The following CCZ1 variants were observed in gnomAD, a reference collection of about 807,000 sequenced individuals.
The protein encoded by CCZ1 is CCZ1 vacuolar protein trafficking and biogenesis associated, also known as vacuolar fusion protein CCZ1 homolog.
Under a neutral mutation model 57.8 loss-of-function variants are expected in CCZ1, and 19 were observed. The observed-to-expected ratio is 0.33, with a 90% CI of 0.23 to 0.48. The LOEUF (loss-of-function observed/expected upper bound fraction) is 0.48. Among genes scored for constraint, CCZ1 ranks in the 20% least tolerant of loss-of-function variants. The pLI, the probability that CCZ1 is intolerant of heterozygous loss-of-function variation, is 0.99. For missense variants in CCZ1, 200 were observed against 492.0 expected (o/e 0.41, Z 5.61); for synonymous variants, 81 against 167.0 (o/e 0.49, Z 3.97).
At chr7:5,920,868 T>G (rs1413925788) in intron 12 of CCZ1, among the ~76,000 whole-genome samples, 1 of 119,742 alleles carries the variant, frequency 8.4e-6, no homozygotes, top group Non-Finnish European at 1.8e-5. Context: ...TTAAATGGGC[T>G]CTCTACACAT....
At chr7:5,906,975 C>T (rs1297568764) in intron 7 of CCZ1, among the ~76,000 whole-genome samples, 1 of 147,274 alleles carries the variant, frequency 6.8e-6, no homozygotes, top group Non-Finnish European at 1.5e-5. Context: ...TCAAGCAATT[C>T]TCCTGCCTCA....
In CCZ1 at chr7:5,900,574, C is replaced by T; in HGVS notation, c.312+8C>T. The T allele has an allele frequency of 1.2e-6, 2 of 1,600,270 alleles. No individual in the cohort carries two copies. The highest frequency in any genetic ancestry group is 1.7e-6 in the Non-Finnish European group (2 of 1,177,436). On this transcript the variant is annotated splice_region_variant and intron_variant, in intron 3 of 14. Transcript: ENST00000325974. ...AATTTCTGGATGGTCATGGTATTTA[C>T]ATACACAGTGTATCTTTCTGAAATT...
At chr7:5,902,014 C>G (rs4724752) in intron 5 of CCZ1, 41,404 of 317,266 alleles carry the variant, frequency 0.13, 2,398 homozygotes, top group Non-Finnish European at 0.16. Context: ...TTCAGTGAGG[C>G]AGGGCACAGT....
chr7:5,898,786 G>A lies in CCZ1; in HGVS notation c.-14G>A. The A allele has an allele frequency of 2.6e-6, 1 of 385,280 alleles. No individual in the cohort carries two copies. The highest frequency in any genetic ancestry group is 4.4e-6 in the Non-Finnish European group (1 of 228,728). 23.9% of individuals were successfully genotyped at this position (385,280 alleles called of 1,614,324 possible). ...CGGGCCGTGGGAGGCTCCCGAGGTG[G>A]GGGCCGGGGCGGGATGGCTGCAGCG... On this transcript the variant is annotated 5_prime_UTR_variant, in exon 1 of 15. Transcript: ENST00000325974.
chr7:5,900,188 T>A, intron 1 of CCZ1, 96 bp from the exon 2 acceptor site: 2 of 1,404,208 alleles, frequency 1.4e-6, no homozygotes, highest in Non-Finnish European at 1.9e-6. Flanking sequence ...GTCATTAGCA[T>A]GTGTGACACA....
intron 11 of CCZ1, chr7:5,919,607 G>GT (rs1188875710): frequency 8.1e-6 from 4 of 496,724 alleles, no homozygotes; most frequent in Non-Finnish European, 1.5e-5. Context: ...GTAGGCAACC[G>GT]TTTACCACCC....
chr7:5,906,625 G>C (rs889974626), intron 7 of CCZ1, among the ~76,000 whole-genome samples: 2 of 148,554 alleles, frequency 1.3e-5, no homozygotes, highest in African/African-American at 5.0e-5. Flanking sequence ...ACCTGGCCTA[G>C]CCCAGTTTCT....
chr7:5,918,836 TCA>T, intron 10 of CCZ1, 29 bp from the exon 11 acceptor site: 1 of 804,638 alleles, frequency 1.2e-6, no homozygotes, highest in Non-Finnish European at 2.0e-6. Flanking sequence ...TTCCACCATT[TCA>T]TAACCTCTGG....
rs968196445 is a variant in CCZ1, at chr7:5,907,022, A to G, written c.698+1753A>G. On this transcript the variant is annotated intron_variant, in intron 7 of 14. Coordinates refer to ENST00000325974, the MANE Select transcript of CCZ1 (RefSeq NM_015622.6). ...AGCTGGGATTACAGGTGCATACCACAACACCCAGCTAATTTTTTTGTAGAG... is the reference window on the plus strand; with the variant it reads ...AGCTGGGATTACAGGTGCATACCACGACACCCAGCTAATTTTTTTGTAGAG... 9.4e-5 allele frequency among the ~76,000 whole-genome samples: 14 copies of G among 148,458 alleles called. 1 individual carries two copies. The highest frequency in any genetic ancestry group is 2.0e-4 in the African/African-American group (8 of 40,038).
In CCZ1 at chr7:5,914,362, A is replaced by C. The variant is rs2128613469; in HGVS notation, c.954+1408A>C. On this transcript the variant is annotated intron_variant, in intron 10 of 14. Transcript: ENST00000325974. ...GAGGCAGGAGAACCGCTTGAGCCCA[A>C]GAGTTGGAGGCTGCAATGAGCTATG... 1.3e-5 allele frequency among the ~76,000 whole-genome samples: 2 copies of C among 148,566 alleles called. 1 individual carries two copies. Among genetic ancestry groups the C allele is most frequent in the Admixed American group, 1.3e-4 (2 of 15,070 alleles).
At chr7:5,900,161 GGTTTTT>G (rs2128609989) in intron 1 of CCZ1, 117 bp from the exon 2 acceptor site, 1 of 1,317,542 alleles carries the variant, frequency 7.6e-7, no homozygotes. Flanking sequence ...TTCTAAAACC[GGTTTTT>G]GTTTTGTTTT....
In CCZ1 at chr7:5,910,048, C is replaced by G; in HGVS notation, c.712C>G (p.Gln238Glu). The change falls in exon 8 of 15, where the codon CAA (glutamine) becomes GAA (glutamate). Residue 238 changes from glutamine (Q) to glutamate (E), a missense_variant. Gln to Glu is a conservative substitution (Grantham distance 29). Transcript: ENST00000325974. ...CTGTTGTTGCAGGAGTGGATTAGAA[C>G]AAGATGACATGAGAATTTTATACAA... ...NDQLIWSGLE[Q>E]DDMRILYKYL... 6.3e-6 allele frequency: 10 copies of G among 1,599,736 alleles called. No individual in the cohort carries two copies. Among genetic ancestry groups the G allele is most frequent in the Non-Finnish European group, 8.5e-6 (10 of 1,170,002 alleles).
At chr7:5,910,547 C>G (rs59259289) in intron 8 of CCZ1, among the ~76,000 whole-genome samples, 16 of 145,476 alleles carry the variant, frequency 1.1e-4, no homozygotes, top group African/African-American at 4.0e-4. Flanking sequence ...AGGCTGGTCT[C>G]GAACTCCTGA....
At chr7:5,905,775 T>TTTTTTTTTTTTTTTTTTTTTG (rs1451891497) in intron 7 of CCZ1, among the ~76,000 whole-genome samples, 1 of 74,600 alleles carries the variant, frequency 1.3e-5, no homozygotes, top group African/African-American at 5.5e-5. Context: ...AGAGAGACTC[T>TTTTTTTTTTTTTTTTTTTTTG]GTCTCCAAAA....
At chr7:5,924,406 ATTTCT>A (rs1779314753) in intron 14 of CCZ1, among the ~76,000 whole-genome samples, 1 of 92,040 alleles carries the variant, frequency 1.1e-5, no homozygotes, top group Non-Finnish European at 2.4e-5. Flanking sequence ...GACCCAGCTA[ATTTCT>A]TTTTTTTTTT....
At chr7:5,908,299 C>G (rs1322786957) in intron 7 of CCZ1, among the ~76,000 whole-genome samples, 1 of 123,110 alleles carries the variant, frequency 8.1e-6, no homozygotes, top group Non-Finnish European at 1.8e-5. Flanking sequence ...GAGGCTCTGT[C>G]TCTACCAAAA....
intron 10 of CCZ1, among the ~76,000 whole-genome samples, chr7:5,916,693 G>C (rs1172379531): frequency 2.0e-5 from 3 of 147,900 alleles, no homozygotes; most frequent in Non-Finnish European, 4.4e-5. Context: ...CCAGAGATTT[G>C]ATTGGGGGTT....
At chr7:5,922,953 T>C (rs1354989124) in intron 12 of CCZ1, among the ~76,000 whole-genome samples, 3 of 149,674 alleles carry the variant, frequency 2.0e-5, no homozygotes, top group Non-Finnish European at 4.4e-5. Context: ...AACTGTCATT[T>C]TGGTGGGAAA....
intron 13 of CCZ1, 44 bp from the exon 14 acceptor site, chr7:5,923,791 C>T: frequency 6.3e-7 from 1 of 1,577,500 alleles, no homozygotes; most frequent in Non-Finnish European, 8.7e-7. Context: ...CACAGTCTGG[C>T]CGTATGAGTA....
Sources: gnomAD v4.1 joint callset for allele counts (sites outside exome capture counted in the v4.1 genomes callset) on GRCh38, gnomAD v4.1.1 for gene constraint, MANE v1.5 for transcripts, NCBI Gene and HGNC (gene_info 2026-07-23, HGNC 2026-07-21) for gene names.